The following ITSN2 variants were observed in gnomAD, a reference collection of about 807,000 sequenced individuals.
ITSN2 encodes intersectin 2, also known as intersectin-2.
A neutral mutation model predicts 243.7 loss-of-function variants in ITSN2; 156 were observed. The observed-to-expected ratio is 0.64, with a 90% CI of 0.56 to 0.73. The LOEUF is 0.73. ITSN2 is among the 30% of genes least tolerant of loss of function. ITSN2 has a pLI of 0.00. For missense variants in ITSN2, 1,801 were observed against 1,996.1 expected (o/e 0.90, Z 1.86); for synonymous variants, 703 against 699.9 (o/e 1.00, Z -0.07).
intron 32 of ITSN2, 93 bp downstream of exon 32, chr2:24,215,956 T>G: frequency 4.5e-6 from 4 of 898,588 alleles, no homozygotes; most frequent in Non-Finnish European, 4.8e-6. Flanking sequence ...GGGGATGCCC[T>G]TCTCCATTGC....
chr2:24,298,972 A>G (rs1681358812), intron 12 of ITSN2, among the ~76,000 whole-genome samples, 158 bp from the exon 13 acceptor site: 1 of 152,046 alleles, frequency 6.6e-6, no homozygotes, highest in African/African-American at 2.4e-5. Context: ...ATGGGCTTAA[A>G]GACTTCCAAG....
chr2:24,321,551 T>G (rs1684581306), intron 2 of ITSN2, among the ~76,000 whole-genome samples: 1 of 152,184 alleles, frequency 6.6e-6, no homozygotes, highest in South Asian at 2.1e-4. Flanking sequence ...ACAGATGTAC[T>G]GAAGAACTAA....
rs143043462 is a variant in ITSN2 at position 24,300,009 on chromosome 2, T to C, written c.1244A>G (p.Glu415Gly). Residue 415 changes from glutamate to glycine, a missense_variant, in exon 12 of 40, where the codon GAA (glutamate) becomes GGA (glycine). Around this residue, in one of 5 missense-constraint regions of ITSN2, gnomAD observed 787 missense variants for 803.9 expected, o/e 0.98. Coordinates refer to ENST00000355123, the MANE Select transcript of ITSN2 (RefSeq NM_006277.3). ...ERKQRELQEQEWKKQLELEKR... is the reference protein window; with the variant it reads ...ERKQRELQEQGWKKQLELEKR... Reference sequence around the variant, plus strand: ...TTCTAATTCAAGTTGTTTCTTCCATTCTTGTTCTTGTAATTCTCTCTGTTT... The same window carrying C: ...TTCTAATTCAAGTTGTTTCTTCCATCCTTGTTCTTGTAATTCTCTCTGTTT... The C allele has an allele frequency of 1.9e-6, 3 of 1,614,202 alleles. No individual in the cohort carries two copies. The highest frequency in any genetic ancestry group is 2.5e-6 in the Non-Finnish European group (3 of 1,180,020).
intron 1 of ITSN2, among the ~76,000 whole-genome samples, chr2:24,358,799 T>C (rs368853905): frequency 6.6e-6 from 1 of 152,330 alleles, no homozygotes; most frequent in East Asian, 1.9e-4. Flanking sequence ...CCTCCTCATA[T>C]TCAGGAGAGA....
In ITSN2 at chr2:24,300,143, G is replaced by C; in HGVS notation, c.1110C>G (p.Asn370Lys). 1 of 1,614,110 alleles carries C rather than the reference G, an allele frequency of 6.2e-7. No individual in the cohort carries two copies. The part of the protein sequence containing the change: ...PVTFEDKRKA[N>K]YERGNMELEK... ...CCAGCTCCATGTTCCCTCGCTCATA[G>C]TTGGCTTTCCGTTTGTCCTCAAAAG... The change falls in exon 12 of 40, where the codon AAC (asparagine) becomes AAG (lysine). Residue 370 changes from asparagine to lysine, a missense_variant. By Grantham distance (94) the Asn-to-Lys change is moderately conservative (BLOSUM62 0). Coordinates refer to ENST00000355123, the MANE Select transcript of ITSN2 (RefSeq NM_006277.3).
intron 1 of ITSN2, among the ~76,000 whole-genome samples, chr2:24,329,167 G>A (rs1317365222): frequency 4.6e-5 from 7 of 152,232 alleles, no homozygotes; most frequent in Non-Finnish European, 7.3e-5. Context: ...GAAAAGGAGA[G>A]TGCAGTATCA....
At chr2:24,222,876 G>A (rs950505789) in intron 29 of ITSN2, among the ~76,000 whole-genome samples, 3 of 151,798 alleles carry the variant, frequency 2.0e-5, no homozygotes, top group Non-Finnish European at 2.9e-5. Flanking sequence ...GGGTTTCACC[G>A]TATTGGCCAG....
At chr2:24,206,503 G>A (rs575832232) in intron 37 of ITSN2, among the ~76,000 whole-genome samples, 1 of 152,034 alleles carries the variant, frequency 6.6e-6, no homozygotes, top group South Asian at 2.1e-4. Context: ...AGGGAGGTTG[G>A]GGCCTGGCAT....
intron 35 of ITSN2, 82 bp from the exon 36 acceptor site, chr2:24,209,303 G>C (rs780673856): frequency 2.3e-5 from 36 of 1,541,330 alleles, no homozygotes; most frequent in Non-Finnish European, 3.2e-5. Flanking sequence ...AGTTCTGTTT[G>C]TTCTGAAGAG....
At chr2:24,336,238 T>C (rs1245584428) in intron 1 of ITSN2, among the ~76,000 whole-genome samples, 2 of 132,598 alleles carry the variant, frequency 1.5e-5, no homozygotes, top group South Asian at 4.8e-4. Flanking sequence ...CGAGACTCTG[T>C]CTCAAAAAAA....
At chr2:24,235,179 A>G (rs1300735483) in intron 29 of ITSN2, among the ~76,000 whole-genome samples, 2 of 152,202 alleles carry the variant, frequency 1.3e-5, no homozygotes, top group East Asian at 3.9e-4. Context: ...CAAGCCATGA[A>G]AAGATATGGA....
chr2:24,274,439 G>C (rs1377387190), intron 18 of ITSN2, among the ~76,000 whole-genome samples: 2 of 152,088 alleles, frequency 1.3e-5, no homozygotes, highest in Admixed American at 1.3e-4. Context: ...GGGAGTGGTG[G>C]TACATGCCTA....
intron 1 of ITSN2, among the ~76,000 whole-genome samples, chr2:24,354,493 A>G (rs1261089876): frequency 6.6e-6 from 1 of 152,228 alleles, no homozygotes; most frequent in Admixed American, 6.5e-5. Context: ...CCAAGTTAAA[A>G]CAACAGGTAA....
intron 1 of ITSN2, among the ~76,000 whole-genome samples, chr2:24,355,752 A>G (rs908257984): frequency 6.6e-6 from 1 of 152,260 alleles, no homozygotes; most frequent in Admixed American, 6.5e-5. Context: ...TAAACTAAAG[A>G]GCTTCTGCAC....
intron 2 of ITSN2, among the ~76,000 whole-genome samples, chr2:24,325,938 CACAT>C (rs1364752817): frequency 1.3e-5 from 2 of 151,828 alleles, no homozygotes; most frequent in East Asian, 3.8e-4. Context: ...TACACACACA[CACAT>C]ACACACACAC....
At chr2:24,300,704 G>GA (rs569520202) in intron 11 of ITSN2, among the ~76,000 whole-genome samples, 402 of 136,288 alleles carry the variant, frequency 2.9e-3, no homozygotes, top group Middle Eastern at 0.015. Flanking sequence ...GGGCAACAAG[G>GA]AAAAAAAAAA....
At position 24,338,927 on chromosome 2, in the gene ITSN2, T is replaced by C. The variant is rs184977532; in HGVS notation, c.-33-10812A>G. On this transcript the variant is annotated intron_variant, in intron 1 of 39. Transcript: ENST00000355123. ...GAGGTAAATCAAAGTAAGGTACATG[T>C]AATCAAGGAGGTAATATTTGTGTAA... 6.6e-5 allele frequency among the ~76,000 whole-genome samples: 10 copies of C among 152,264 alleles called. No individual in the cohort carries two copies. The East Asian group carries it at 1.2e-3, about 18-fold the overall frequency.
chr2:24,271,341 T>C (rs1422521345), intron 19 of ITSN2, among the ~76,000 whole-genome samples: 21 of 152,216 alleles, frequency 1.4e-4, no homozygotes. Context: ...ACTGTATCAT[T>C]AATAATGATT....
chr2:24,299,848 G>A, intron 12 of ITSN2, 61 bp downstream of exon 12: 2 of 1,382,128 alleles, frequency 1.4e-6, no homozygotes, highest in South Asian at 2.7e-5. Flanking sequence ...TTAATCAAAT[G>A]AAATATAGTC....
Sources: allele counts gnomAD v4.1 joint callset (sites outside exome capture counted in the v4.1 genomes callset), GRCh38; gene constraint gnomAD v4.1.1; regional missense constraint gnomAD v4.1.1; transcripts MANE v1.5; gene names NCBI Gene and HGNC (gene_info 2026-07-23, HGNC 2026-07-21).